Variants in KANSL1 observed in about 807,000 individuals in gnomAD.
The protein encoded by KANSL1 is MLL1/MLL complex subunit KANSL1.
Under a neutral mutation model 103.6 loss-of-function variants are expected in KANSL1, and 22 were observed. The ratio of observed to expected loss-of-function variants is 0.21; its 90% CI spans 0.15 to 0.30. KANSL1 has a LOEUF of 0.30. KANSL1 is among the 10% of genes least tolerant of loss of function. The pLI, the probability that KANSL1 is intolerant of heterozygous loss-of-function variation, is 1.00. For missense variants in KANSL1, 1,337 were observed against 1,399.8 expected (o/e 0.96, Z 0.72); for synonymous variants, 600 against 527.6 (o/e 1.14, Z -1.88).
chr17:46,077,152 A>G (rs1362029395), intron 4 of KANSL1, among the ~76,000 whole-genome samples: 1 of 152,186 alleles, frequency 6.6e-6, no homozygotes, highest in Admixed American at 6.5e-5. Context: ...CCTGGGCTCA[A>G]GCAATTCTCC....
chr17:46,103,595 C>T (rs1258475160), intron 2 of KANSL1, among the ~76,000 whole-genome samples: 1 of 152,208 alleles, frequency 6.6e-6, no homozygotes, highest in Non-Finnish European at 1.5e-5. Context: ...ATCACAAGCT[C>T]GTAACACGCT....
intron 2 of KANSL1, among the ~76,000 whole-genome samples, chr17:46,149,652 C>A (rs181500488): frequency 6.6e-6 from 1 of 152,228 alleles, no homozygotes; most frequent in Non-Finnish European, 1.5e-5. Context: ...TTGTGCTAAT[C>A]CAACCAACTA....
intron 2 of KANSL1, among the ~76,000 whole-genome samples, chr17:46,123,248 G>C (rs563274154): frequency 6.6e-6 from 1 of 152,128 alleles, no homozygotes; most frequent in African/African-American, 2.4e-5. Flanking sequence ...GTGGCATTGC[G>C]CACTTGTAGT....
intron 1 of KANSL1, among the ~76,000 whole-genome samples, chr17:46,219,404 C>T (rs1295599781): frequency 1.3e-5 from 2 of 152,046 alleles, no homozygotes; most frequent in African/African-American, 2.4e-5. Flanking sequence ...GCTCTATCAC[C>T]CAGGCTGGAC....
At chr17:46,130,349 A>C (rs1349009798) in intron 2 of KANSL1, among the ~76,000 whole-genome samples, 1 of 152,202 alleles carries the variant, frequency 6.6e-6, no homozygotes, top group African/African-American at 2.4e-5. Context: ...GCCCAAGTTG[A>C]GAATCACCAA....
chr17:46,057,154 T>C (rs2077962458), intron 6 of KANSL1, among the ~76,000 whole-genome samples: 1 of 152,164 alleles, frequency 6.6e-6, no homozygotes, highest in Non-Finnish European at 1.5e-5. Flanking sequence ...TCAAAGACTA[T>C]TGTCAAGAAC....
chr17:46,066,597 T>C lies in KANSL1; in HGVS notation c.1788A>G (p.Val596=), dbSNP rs1323572366. The change falls in exon 6 of 15, where the codon GTA becomes GTG. Residue 596 remains valine (V), a synonymous_variant. Coordinates refer to ENST00000432791, the MANE Select transcript of KANSL1 (RefSeq NM_015443.4). ...GTCVAARTRP[V]LSCKKRRLVR... is the part of the protein sequence containing the mutation. ...CAAGCCTCCGCTTCTTACAGCTCAG[T>C]ACAGGACGTGTCCGGGCTGCCACAC... is the stretch of plus-strand genomic sequence containing the variant. 1.2e-6 allele frequency: 2 copies of C among 1,613,998 alleles called. No homozygotes were observed. The highest frequency in any genetic ancestry group is 1.3e-5 in the African/African-American group (1 of 74,914).
At chr17:46,134,592 C>G (rs1016982491) in intron 2 of KANSL1, among the ~76,000 whole-genome samples, 1 of 152,072 alleles carries the variant, frequency 6.6e-6, no homozygotes, top group Non-Finnish European at 1.5e-5. Context: ...GTAATCCCAG[C>G]ACTTTGGGAG....
chr17:46,196,102 G>A (rs2047598923), upstream of KANSL1: 2 of 327,388 alleles, frequency 6.1e-6, no homozygotes, highest in Admixed American at 4.2e-5. Context: ...AATTAGCCAA[G>A]TGTGGTAGCA....
Position 46,189,174 on chromosome 17 carries a change from T to C in KANSL1, c.-90+3649A>G, listed in dbSNP as rs575729739. 3.3e-5 allele frequency among the ~76,000 whole-genome samples: 5 copies of C among 150,986 alleles called. No individual in the cohort carries two copies. The South Asian group carries it at 1.0e-3, about 32-fold the overall frequency. ...CACTCTAAACTGTAGCGCACAATGA[T>C]TACATCTGTGCACGCCAACCTGGGA... On this transcript the variant is annotated intron_variant, in intron 1 of 14. Transcript: ENST00000432791.
upstream of KANSL1, among the ~76,000 whole-genome samples, chr17:46,194,299 AG>A (rs1478485377): frequency 1.3e-5 from 2 of 152,282 alleles, no homozygotes. Context: ...CGCCACCAAA[AG>A]GAAGTTCACT....
At chr17:46,099,242 T>C (rs1379190378) in intron 2 of KANSL1, among the ~76,000 whole-genome samples, 1 of 128,404 alleles carries the variant, frequency 7.8e-6, no homozygotes, top group Non-Finnish European at 1.8e-5. Flanking sequence ...GAGAATGGCG[T>C]GAACCCGGAA....
upstream of KANSL1, among the ~76,000 whole-genome samples, chr17:46,198,222 C>A (rs1054174756): frequency 6.6e-6 from 1 of 152,136 alleles, no homozygotes; most frequent in African/African-American, 2.4e-5. Context: ...TTACTTTGGG[C>A]AAAGTACGTA....
intron 4 of KANSL1, among the ~76,000 whole-genome samples, chr17:46,076,885 C>G (rs1435634788): frequency 6.6e-6 from 1 of 152,144 alleles, no homozygotes; most frequent in Non-Finnish European, 1.5e-5. Context: ...ATATTGACCC[C>G]GTACCTGGAG....
chr17:46,073,449 C>A (rs910826013), intron 4 of KANSL1, among the ~76,000 whole-genome samples: 1 of 151,822 alleles, frequency 6.6e-6, no homozygotes, highest in African/African-American at 2.4e-5. Flanking sequence ...AAATATTTAT[C>A]CAAGAAGGAG....
At chr17:46,168,246 A>T (rs1025646414) in intron 2 of KANSL1, among the ~76,000 whole-genome samples, 2 of 152,258 alleles carry the variant, frequency 1.3e-5, no homozygotes, top group African/African-American at 2.4e-5. Flanking sequence ...AAGATCAACA[A>T]ACACTTGGCT....
chr17:46,175,219 A>C (rs752788395), intron 1 of KANSL1, among the ~76,000 whole-genome samples: 2 of 152,148 alleles, frequency 1.3e-5, no homozygotes, highest in Non-Finnish European at 2.9e-5. Context: ...TGACAATTTG[A>C]ATCATTAACA....
chr17:46,180,270 TG>T (rs1342993433), intron 1 of KANSL1, among the ~76,000 whole-genome samples: 1 of 150,464 alleles, frequency 6.6e-6, no homozygotes, highest in Non-Finnish European at 1.5e-5. Context: ...CTGAGGCGGG[TG>T]GATCACCTGA....
At chr17:46,099,837 CT>C (rs2042234991) in intron 2 of KANSL1, among the ~76,000 whole-genome samples, 1 of 152,296 alleles carries the variant, frequency 6.6e-6, no homozygotes, top group African/African-American at 2.4e-5. Context: ...CTTTTATAAA[CT>C]TTTTATTGGT....
Sources: allele counts gnomAD v4.1 joint callset (sites outside exome capture counted in the v4.1 genomes callset), GRCh38; gene constraint gnomAD v4.1.1; transcripts MANE v1.5; gene names NCBI Gene and HGNC (gene_info 2026-07-23, HGNC 2026-07-21).